EML6: variants seen among roughly 807,000 people sequenced by gnomAD.
EML6 encodes EMAP like 6, also known as echinoderm microtubule-associated protein-like 6.
EML6 carries 154 observed loss-of-function variants against 240.1 expected under a neutral mutation model. The observed-to-expected ratio is 0.64, with a 90% CI of 0.56 to 0.73. EML6 has a LOEUF of 0.73. Ranked by LOEUF, EML6 falls within the 30% of genes least tolerant of loss-of-function variation. The pLI is 0.00. For missense variants in EML6, 2,964 were observed against 2,474.6 expected (o/e 1.20, Z -4.20); for synonymous variants, 1,148 against 899.0 (o/e 1.28, Z -4.95).
chr2:54,914,926 G>A (rs1045140734), intron 25 of EML6, among the ~76,000 whole-genome samples: 3 of 152,108 alleles, frequency 2.0e-5, no homozygotes, highest in Admixed American at 1.3e-4. Flanking sequence ...ATATTGGGAG[G>A]CAAACTCTCT....
Position 54,968,702 on chromosome 2 carries a change from A to G in EML6, c.5786A>G (p.His1929Arg). ...KHKRYFGHSA[H>R]VTNIRFSYDD... Reference sequence around the variant, plus strand: ...AAGCGATACTTCGGTCACTCGGCTCACGTGACGAACATCCGTTTCTCTTAT... The same window carrying G: ...AAGCGATACTTCGGTCACTCGGCTCGCGTGACGAACATCCGTTTCTCTTAT... Residue 1929 changes from histidine to arginine, a missense_variant, in exon 41 of 42, where the codon CAC (histidine) becomes CGC (arginine). His to Arg is a conservative substitution (Grantham distance 29). Coordinates refer to ENST00000356458, the MANE Select transcript of EML6 (RefSeq NM_001039753.4). 3 of 1,551,354 alleles carry G rather than the reference A, an allele frequency of 1.9e-6. No homozygotes were observed. The highest frequency in any genetic ancestry group is 2.6e-6 in the Non-Finnish European group (3 of 1,146,650).
chr2:54,961,355 T>G (rs1374898170), intron 35 of EML6, among the ~76,000 whole-genome samples: 1 of 151,190 alleles, frequency 6.6e-6, no homozygotes, highest in Admixed American at 6.6e-5. Context: ...CAGCTAATTT[T>G]TTGTATTTTT....
Position 54,950,726 on chromosome 2 carries a change from C to A in EML6, c.4160C>A (p.Ala1387Asp), listed in dbSNP as rs528882225. Residue 1387 changes from alanine to aspartate, a missense_variant, in exon 30 of 42, where the codon GCT becomes GAT. Physicochemically the swap from Ala to Asp is moderately radical, Grantham distance 126. Transcript: ENST00000356458. Reference sequence around the variant, plus strand: ...AACCTGCATTACCTTAATGATGGCGCTGACATCATCTTCCACACAGCAGCG... The same window carrying A: ...AACCTGCATTACCTTAATGATGGCGATGACATCATCTTCCACACAGCAGCG... ...RNNLHYLNDGADIIFHTAAAG... is the reference protein window; with the variant it reads ...RNNLHYLNDGDDIIFHTAAAG... The A allele has an allele frequency of 6.4e-7, 1 of 1,551,544 alleles. No individual in the cohort carries two copies. Among genetic ancestry groups the A allele is most frequent in the South Asian group, 1.2e-5 (1 of 84,054 alleles).
chr2:54,822,949 GATGTGTAT>G (rs1227870782), intron 5 of EML6, among the ~76,000 whole-genome samples: 3 of 152,140 alleles, frequency 2.0e-5, no homozygotes, highest in African/African-American at 7.2e-5. Flanking sequence ...ACCAAGCCCT[GATGTGTAT>G]ATTTTTAATC....
At chr2:54,955,051 G>C (rs1217887866) in intron 32 of EML6, among the ~76,000 whole-genome samples, 1 of 152,184 alleles carries the variant, frequency 6.6e-6, no homozygotes, top group Admixed American at 6.5e-5. Flanking sequence ...CCCCATATGA[G>C]GAAAAGAGCC....
rs1673725325 is a variant in EML6, at chr2:54,913,070, TG to T, written c.3498+2029del. Reference sequence around the variant, plus strand: ...TTTACTCTTCAGCCTTGCCAGATTCTGTTTTTTTTTTTTTTTTTTTTACTTT... The same window carrying T: ...TTTACTCTTCAGCCTTGCCAGATTCTTTTTTTTTTTTTTTTTTTTTACTTT... On this transcript the variant is annotated intron_variant, in intron 25 of 41. Coordinates refer to ENST00000356458, the MANE Select transcript of EML6 (RefSeq NM_001039753.4). Among the ~76,000 whole-genome samples the T allele has an allele frequency of 3.5e-5, 4 of 115,620 alleles. No homozygotes were observed. In the East Asian group the frequency reaches 7.3e-4, roughly 21 times the overall value. 75.9% of individuals were successfully genotyped at this position (115,620 alleles called of 152,430 possible).
chr2:54,952,085 A>G (rs115950014), intron 30 of EML6, among the ~76,000 whole-genome samples: 2,910 of 152,292 alleles, frequency 0.019, 101 homozygotes, highest in African/African-American at 0.065. Flanking sequence ...TGTGCTGTCC[A>G]GGCCCCCAAG....
chr2:54,838,358 G>A (rs1371517473), intron 7 of EML6, among the ~76,000 whole-genome samples: 1 of 152,148 alleles, frequency 6.6e-6, no homozygotes, highest in Non-Finnish European at 1.5e-5. Context: ...TTGTTGTGTT[G>A]AATTCTCACA....
In EML6 at chr2:54,816,803, G is replaced by T. The variant is rs1359427291; in HGVS notation, c.374G>T (p.Gly125Val). 6.4e-7 allele frequency: 1 copy of T among 1,551,056 alleles called. No homozygotes were observed. The highest frequency in any genetic ancestry group is 8.7e-7 in the Non-Finnish European group (1 of 1,146,588). ...TATTCTTAGCGTTTAGCCTCTGTGG[G>T]GTTGGATGCCAAAAACACAGTCTGC... ...DSDGQRLASVGLDAKNTVCIW... is the reference protein window; with the variant it reads ...DSDGQRLASVVLDAKNTVCIW... Residue 125 changes from glycine to valine, a missense_variant, in exon 4 of 42, where the codon GGG (glycine) becomes GTG (valine). Coordinates refer to ENST00000356458, the MANE Select transcript of EML6 (RefSeq NM_001039753.4).
At chr2:54,958,965 T>A (rs978221914) in intron 33 of EML6, 139 bp from the exon 34 acceptor site, 1 of 758,766 alleles carries the variant, frequency 1.3e-6, no homozygotes, top group Non-Finnish European at 2.0e-6. Context: ...CAAATTCTGC[T>A]GCTTTCCTTA....
At position 54,947,205 on chromosome 2, in the gene EML6, A is replaced by T. The variant is rs185700524; in HGVS notation, c.4005-1677A>T. 2.8e-4 allele frequency among the ~76,000 whole-genome samples: 43 copies of T among 152,248 alleles called. No homozygotes were observed. The East Asian group carries it at 6.8e-3, about 24-fold the overall frequency. On this transcript the variant is annotated intron_variant, in intron 28 of 41. Transcript: ENST00000356458. ...CTTAGGTGAAAGAAGAAACCCACGG[A>T]TTTCATTTGAAAGTCCCACTAAAAC...
intron 25 of EML6, among the ~76,000 whole-genome samples, chr2:54,913,309 A>G (rs1227553208): frequency 6.6e-6 from 1 of 150,696 alleles, no homozygotes; most frequent in Non-Finnish European, 1.5e-5. Flanking sequence ...GTGTAGCGGT[A>G]CCATCACGGC....
Position 54,948,901 on chromosome 2 carries a change from G to C in EML6, c.4024G>C (p.Ala1342Pro). The C allele has an allele frequency of 6.4e-7, 1 of 1,551,470 alleles. No homozygotes were observed. Among genetic ancestry groups the C allele is most frequent in the Non-Finnish European group, 8.7e-7 (1 of 1,146,948 alleles). ...VEERPPVSRA[A>P]PQPEKLQKNN... The stretch of plus-strand genomic sequence containing the variant: ...TTCCAGACCACCCGTTAGCCGAGCA[G>C]CTCCCCAGCCTGAGAAACTGCAGAA... The change falls in exon 29 of 42, where the codon GCT (alanine) becomes CCT (proline). Residue 1342 changes from alanine (A) to proline (P), a missense_variant. Coordinates refer to ENST00000356458, the MANE Select transcript of EML6 (RefSeq NM_001039753.4).
chr2:54,903,631 G>A (rs1573110204), intron 24 of EML6, 129 bp downstream of exon 24: 9 of 771,026 alleles, frequency 1.2e-5, no homozygotes, highest in East Asian at 1.1e-4. Flanking sequence ...CAATATAAAC[G>A]ACTGTAATTT....
intron 37 of EML6, 53 bp downstream of exon 37, chr2:54,964,211 C>T: frequency 6.6e-7 from 1 of 1,507,364 alleles, no homozygotes; most frequent in Non-Finnish European, 8.9e-7. Context: ...ATTCTGCTTA[C>T]CAGTGGTTCC....
chr2:54,814,482 C>T (rs979928524), intron 3 of EML6, among the ~76,000 whole-genome samples: 7 of 152,188 alleles, frequency 4.6e-5, no homozygotes, highest in African/African-American at 1.4e-4. Context: ...CTCCCTAAGG[C>T]GGGGCCTCTT....
At chr2:54,886,323 G>A (rs1456666140) in intron 17 of EML6, among the ~76,000 whole-genome samples, 3 of 151,592 alleles carry the variant, frequency 2.0e-5, no homozygotes, top group East Asian at 3.9e-4. Flanking sequence ...CTGCCACCAC[G>A]CCTGGCTAAT....
At chr2:54,777,636 T>G (rs10167638) in intron 2 of EML6, among the ~76,000 whole-genome samples, 2 of 152,254 alleles carry the variant, frequency 1.3e-5, no homozygotes, top group South Asian at 4.1e-4. Flanking sequence ...GTGGGAGAGA[T>G]GGGAGTCATG....
chr2:54,925,450 A>G (rs13390825), intron 26 of EML6, among the ~76,000 whole-genome samples: 54,772 of 151,960 alleles, frequency 0.36, 10,216 homozygotes, highest in Middle Eastern at 0.43. Flanking sequence ...TACCTGTGAG[A>G]TCTTATTACC....
Sources: gnomAD v4.1 joint callset for allele counts (sites outside exome capture counted in the v4.1 genomes callset) on GRCh38, gnomAD v4.1.1 for gene constraint, MANE v1.5 for transcripts, NCBI Gene and HGNC (gene_info 2026-07-23, HGNC 2026-07-21) for gene names.